The following C1QC variants were observed in gnomAD, a reference collection of about 807,000 sequenced individuals.
C1QC encodes the protein complement C1q subcomponent subunit C.
Under a neutral mutation model 5.9 loss-of-function variants are expected in C1QC, and 4 were observed. The ratio of observed to expected loss-of-function variants is 0.68; its 90% CI spans 0.33 to 1.55. C1QC has a LOEUF of 1.55. Ranked by LOEUF, C1QC falls within the 40% of genes most tolerant of loss-of-function variation. The probability of loss-of-function intolerance (pLI) is 0.06; values close to 1 mark genes in which losing one functional copy is unlikely to be tolerated. For missense variants in C1QC, 299 were observed against 326.9 expected, an observed-to-expected ratio of 0.91 and a Z score of 0.66; for synonymous variants, 166 against 153.8, an observed-to-expected ratio of 1.08 and a Z score of -0.59.
At chr1:22,644,445 C>T (rs1341992896) in intron 2 of C1QC, among the ~76,000 whole-genome samples, 4 of 152,150 alleles carry the variant, frequency 2.6e-5, no homozygotes, top group Admixed American at 1.3e-4. Context: ...CCTCCTTACC[C>T]GATTATAGGG....
intron 2 of C1QC, among the ~76,000 whole-genome samples, chr1:22,645,229 AG>A (rs1170065330): frequency 6.6e-6 from 1 of 152,042 alleles, no homozygotes; most frequent in Non-Finnish European, 1.5e-5. Flanking sequence ...GTGAGCTCAA[AG>A]CTCAATGAGG....
chr1:22,644,568 G>C (rs2148295098), intron 2 of C1QC, among the ~76,000 whole-genome samples: 1 of 152,362 alleles, frequency 6.6e-6, no homozygotes. Context: ...GGCCCACACA[G>C]TGAATATATC....
chr1:22,646,857 C>A (rs370878651), intron 2 of C1QC, among the ~76,000 whole-genome samples: 3 of 152,186 alleles, frequency 2.0e-5, no homozygotes, highest in Non-Finnish European at 4.4e-5. Context: ...ATTGTGCAGG[C>A]CAAACAAGAT....
In C1QC at chr1:22,644,100, G is replaced by A. The variant is rs1204800262; in HGVS notation, c.77G>A (p.Gly26Asp). The change falls in exon 2 of 3, where the codon GGC becomes GAC. Residue 26 changes from glycine (G) to aspartate (D), a missense_variant. Coordinates refer to ENST00000374640, the MANE Select transcript of C1QC (RefSeq NM_172369.5). The part of the protein sequence containing the change: ...LLLLLLLPLR[G>D]QANTGCYGIP... ...CTCCTGCTGCTGCTGCCCCTCAGGG[G>A]CCAAGCCAACACAGGCTGCTACGGG... 1 of 1,580,026 alleles carries A rather than the reference G, an allele frequency of 6.3e-7. No individual in the cohort carries two copies. Among genetic ancestry groups the A allele is most frequent in the Middle Eastern group, 1.7e-4 (1 of 5,970 alleles).
At chr1:22,644,378 A>G (rs1642334752) in intron 2 of C1QC, among the ~76,000 whole-genome samples, 174 bp downstream of exon 2, 1 of 152,140 alleles carries the variant, frequency 6.6e-6, no homozygotes, top group Non-Finnish European at 1.5e-5. Flanking sequence ...CTCAGAGCCC[A>G]GGCTTCAGGC....
chr1:22,644,606 C>T (rs1372238151), intron 2 of C1QC, among the ~76,000 whole-genome samples: 1 of 152,202 alleles, frequency 6.6e-6, no homozygotes, highest in African/African-American at 2.4e-5. Flanking sequence ...GGTTCAAATC[C>T]CAGCCCCTAC....
chr1:22,645,202 T>A (rs956097949), intron 2 of C1QC, among the ~76,000 whole-genome samples: 15 of 152,064 alleles, frequency 9.9e-5, no homozygotes, highest in Middle Eastern at 3.4e-3. Context: ...AATTCTCCAA[T>A]TTAGGGTGAG....
chr1:22,643,843 C>T, intron 1 of C1QC, 129 bp downstream of exon 1: 1 of 1,362,990 alleles, frequency 7.3e-7, no homozygotes, highest in East Asian at 2.8e-5. Context: ...TCCTGCTGGG[C>T]CCCGGGGCCT....
chr1:22,644,984 G>T (rs1398498481), intron 2 of C1QC, among the ~76,000 whole-genome samples: 1 of 152,116 alleles, frequency 6.6e-6, no homozygotes, highest in Non-Finnish European at 1.5e-5. Flanking sequence ...GAGCCCTGGG[G>T]GGTATGAGTG....
Position 22,647,572 on chromosome 1 carries a change from C to A in C1QC, c.527C>A (p.Ala176Asp). Residue 176 changes from alanine to aspartate, a missense_variant, in exon 3 of 3, where the codon GCC (alanine) becomes GAC (aspartate). Coordinates refer to ENST00000374640, the MANE Select transcript of C1QC (RefSeq NM_172369.5). ...TTTGTCTACCACGCGTCGCATACAGCCAACCTGTGCGTGCTGCTGTACCGC... is the reference window on the plus strand; with the variant it reads ...TTTGTCTACCACGCGTCGCATACAGACAACCTGTGCGTGCTGCTGTACCGC... ...YYFVYHASHT[A>D]NLCVLLYRSG... is the part of the protein sequence containing the mutation. 1 of 1,614,242 alleles carries A rather than the reference C, an allele frequency of 6.2e-7. No individual in the cohort carries two copies. Among genetic ancestry groups the A allele is most frequent in the Non-Finnish European group, 8.5e-7 (1 of 1,180,048 alleles).
rs950938996 is a variant in C1QC at position 22,648,050 on chromosome 1, T to A, written c.*267T>A. The A allele has an allele frequency of 3.7e-6, 2 of 535,006 alleles. No homozygotes were observed. Among genetic ancestry groups the A allele is most frequent in the African/African-American group, 3.8e-5 (2 of 52,656 alleles). 33.1% of individuals were successfully genotyped at this position (535,006 alleles called of 1,614,324 possible). ...TCTGGTACTGCCATTCTTTTTTTTT[T>A]TTTTTTCAAGTATTGGAAGGGGTGG... On this transcript the variant is annotated 3_prime_UTR_variant, in exon 3 of 3. Coordinates refer to ENST00000374640, the MANE Select transcript of C1QC (RefSeq NM_172369.5).
intron 2 of C1QC, among the ~76,000 whole-genome samples, chr1:22,645,703 C>T (rs1642357690): frequency 6.6e-6 from 1 of 152,200 alleles, no homozygotes; most frequent in Admixed American, 6.5e-5. Flanking sequence ...TCCCACTCCA[C>T]CCTTTCAGGG....
intron 2 of C1QC, among the ~76,000 whole-genome samples, chr1:22,646,585 G>A (rs1454213754): frequency 2.0e-5 from 3 of 152,112 alleles, no homozygotes; most frequent in Non-Finnish European, 4.4e-5. Flanking sequence ...TGTCACTGGG[G>A]AAAACTGGGT....
intron 2 of C1QC, among the ~76,000 whole-genome samples, chr1:22,645,587 A>G (rs1363316576): frequency 1.3e-5 from 2 of 152,150 alleles, no homozygotes; most frequent in Non-Finnish European, 2.9e-5. Flanking sequence ...TGGTTTGAAG[A>G]CATCACGAAG....
In C1QC at chr1:22,647,858, A is replaced by G. The variant is rs1386405290; in HGVS notation, c.*75A>G. The G allele has an allele frequency of 2.5e-6, 4 of 1,581,334 alleles. No individual in the cohort carries two copies. Among genetic ancestry groups the G allele is most frequent in the African/African-American group, 1.3e-5 (1 of 74,640 alleles). On this transcript the variant is annotated 3_prime_UTR_variant, in exon 3 of 3. Coordinates refer to ENST00000374640, the MANE Select transcript of C1QC (RefSeq NM_172369.5). ...CCTGCATGGACCCACCTTACTGGCC[A>G]GTCTGCATCCTTGCCTAGACCATTC...
At position 22,644,401 on chromosome 1, in the gene C1QC, G is replaced by A. The variant is rs1254294544; in HGVS notation, c.181+197G>A. On this transcript the variant is annotated intron_variant, in intron 2 of 2. Coordinates refer to ENST00000374640, the MANE Select transcript of C1QC (RefSeq NM_172369.5). ...CCAGGCTTCAGGCCACCCCAGAGGTGACCTTGGGCCCAGCGCACTTCCATC... is the reference window on the plus strand; with the variant it reads ...CCAGGCTTCAGGCCACCCCAGAGGTAACCTTGGGCCCAGCGCACTTCCATC... Among the ~76,000 whole-genome samples, 3 of 152,182 alleles carry A rather than the reference G, an allele frequency of 2.0e-5. No homozygotes were observed. In the East Asian group the frequency reaches 5.8e-4, roughly 29 times the overall value.
In C1QC at chr1:22,644,076, T is replaced by C; in HGVS notation, c.53T>C (p.Leu18Pro). The C allele has an allele frequency of 6.3e-7, 1 of 1,581,638 alleles. No individual in the cohort carries two copies. The change falls in exon 2 of 3, where the codon CTC becomes CCC. Residue 18 changes from leucine (L) to proline (P), a missense_variant. Leu to Pro is a moderately conservative substitution (Grantham distance 98, BLOSUM62 -3). This residue lies in a region of C1QC where 146 missense variants were observed against 144.1 expected (regional missense o/e 1.01). Coordinates refer to ENST00000374640, the MANE Select transcript of C1QC (RefSeq NM_172369.5). ...LPHLGLKLLL[L>P]LLLLPLRGQA... ...CACCTTGGGCTGAAGCTGCTGCTGC[T>C]CCTGCTGCTGCTGCCCCTCAGGGGC...
chr1:22,647,174 C>G, intron 2 of C1QC, 53 bp from the exon 3 acceptor site: 2 of 1,589,224 alleles, frequency 1.3e-6, no homozygotes, highest in South Asian at 1.1e-5. Flanking sequence ...CCTCAGGGTC[C>G]CTCCTCCCTG....
chr1:22,643,970 G>GT (rs1291642650), intron 1 of C1QC, 41 bp from the exon 2 acceptor site: 1 of 1,571,496 alleles, frequency 6.4e-7, no homozygotes, highest in African/African-American at 1.3e-5. Flanking sequence ...TTGGGGGCAG[G>GT]TGAGGGGCTG....
Sources: allele counts gnomAD v4.1 joint callset (sites outside exome capture counted in the v4.1 genomes callset), GRCh38; gene constraint gnomAD v4.1.1; regional missense constraint gnomAD v4.1.1; transcripts MANE v1.5; gene names NCBI Gene and HGNC (gene_info 2026-07-23, HGNC 2026-07-21).